SEM1: variants seen among roughly 807,000 people sequenced by gnomAD.
SEM1 encodes 26S proteasome complex subunit SEM1.
Under a neutral mutation model 12.7 loss-of-function variants are expected in SEM1, and 3 were observed. The observed-to-expected ratio is 0.24, with a 90% CI of 0.11 to 0.61. The LOEUF (loss-of-function observed/expected upper bound fraction) is 0.61. SEM1 is among the 20% of genes least tolerant of loss of function. The probability of loss-of-function intolerance (pLI) is 0.88; values close to 1 mark genes in which losing one functional copy is unlikely to be tolerated. For synonymous variants in SEM1, 30 were observed against 27.8 expected (o/e 1.08, Z -0.25); for missense variants, 59 against 81.3 (o/e 0.73, Z 1.06).
At chr7:96,600,719 G>C (rs149474835) in intron 2 of SEM1, among the ~76,000 whole-genome samples, 136 of 152,280 alleles carry the variant, frequency 8.9e-4, no homozygotes, top group African/African-American at 3.2e-3. Context: ...GCTCTGGCTA[G>C]TGATGCTCAG....
intron 2 of SEM1, among the ~76,000 whole-genome samples, chr7:96,666,960 CATG>C (rs1361225089): frequency 7.2e-5 from 11 of 152,126 alleles, no homozygotes; most frequent in African/African-American, 2.2e-4. Context: ...CATGGCAATC[CATG>C]ATATTACTTC....
At chr7:96,486,375 C>T in exon 2 of SEM1, 1 of 1,537,022 alleles carries the variant, frequency 6.5e-7, no homozygotes, top group Non-Finnish European at 8.7e-7. Context: ...TTTCTTCCCA[C>T]TTTTCCTCCT....
At chr7:96,577,135 C>T (rs924517758) in intron 2 of SEM1, among the ~76,000 whole-genome samples, 1 of 151,182 alleles carries the variant, frequency 6.6e-6, no homozygotes, top group African/African-American at 2.4e-5. Flanking sequence ...AAAATGGATA[C>T]AATATTTGAT....
At chr7:96,617,242 C>A (rs545144983) in intron 2 of SEM1, among the ~76,000 whole-genome samples, 158 of 151,934 alleles carry the variant, frequency 1.0e-3, no homozygotes, top group African/African-American at 3.7e-3. Context: ...TTTTATAATT[C>A]TTCTTATAGA....
chr7:96,559,972 A>G (rs1410154710), intron 2 of SEM1, among the ~76,000 whole-genome samples: 1 of 152,156 alleles, frequency 6.6e-6, no homozygotes, highest in Non-Finnish European at 1.5e-5. Context: ...GTCACCAGAC[A>G]CTCAATAGAA....
At chr7:96,690,893 C>A (rs1789912099) in intron 2 of SEM1, among the ~76,000 whole-genome samples, 1 of 152,118 alleles carries the variant, frequency 6.6e-6, no homozygotes. Context: ...GCCTCAGCCT[C>A]CCTAGTAGCT....
chr7:96,572,259 G>A (rs1806059166), intron 2 of SEM1, among the ~76,000 whole-genome samples: 1 of 151,942 alleles, frequency 6.6e-6, no homozygotes, highest in African/African-American at 2.4e-5. Flanking sequence ...TTTTTTGAAG[G>A]GCTTTTCATG....
rs1000866864 is a variant in SEM1, at chr7:96,709,541, G to A, written c.76+147C>T. The A allele has an allele frequency of 2.4e-5, 18 of 735,988 alleles. No individual in the cohort carries two copies. The African/African-American group carries it at 2.8e-4, about 12-fold the overall frequency. 45.6% of individuals were successfully genotyped at this position (735,988 alleles called of 1,614,324 possible). A position where few individuals can be genotyped will look rare whatever the true frequency, so the allele number is the denominator to read the frequency against. On this transcript the variant is annotated intron_variant, in intron 1 of 2. Coordinates refer to ENST00000248566, the MANE Select transcript of SEM1 (RefSeq NM_006304.2). ...AAACCCGAATCTGGGGCGCCACTGA[G>A]GGGTGAGCGTTAGCGCCTCGAGTGC...
At chr7:96,633,991 G>A (rs567661834) in intron 2 of SEM1, among the ~76,000 whole-genome samples, 21 of 152,162 alleles carry the variant, frequency 1.4e-4, no homozygotes, top group African/African-American at 4.8e-4. Flanking sequence ...ATATCAGGAG[G>A]TGCAAACTCA....
intron 2 of SEM1, among the ~76,000 whole-genome samples, chr7:96,557,360 T>C (rs1397459660): frequency 7.2e-6 from 1 of 139,174 alleles, no homozygotes; most frequent in Non-Finnish European, 1.6e-5. Flanking sequence ...GATGTACAGA[T>C]GGGTTTTTGG....
chr7:96,484,462 T>G (rs1480123924), intron 3 of SEM1, among the ~76,000 whole-genome samples: 1 of 152,100 alleles, frequency 6.6e-6, no homozygotes, highest in Non-Finnish European at 1.5e-5. Context: ...TAAGGTAAAA[T>G]GCTAAGTGTG....
chr7:96,515,102 C>A (rs1193437542), intron 2 of SEM1, among the ~76,000 whole-genome samples: 1 of 152,122 alleles, frequency 6.6e-6, no homozygotes, highest in Non-Finnish European at 1.5e-5. Flanking sequence ...ATATAATCAA[C>A]TGATATTTGA....
At chr7:96,498,499 T>G (rs1693654138), upstream of SEM1, among the ~76,000 whole-genome samples, 1 of 152,166 alleles carries the variant, frequency 6.6e-6, no homozygotes, top group African/African-American at 2.4e-5. Context: ...CTTATTTCTA[T>G]TCTGCTGTTT....
intron 2 of SEM1, among the ~76,000 whole-genome samples, chr7:96,543,771 G>A (rs1177499173): frequency 6.6e-6 from 1 of 151,924 alleles, no homozygotes; most frequent in African/African-American, 2.4e-5. Context: ...ACTTGTGATT[G>A]GAAACAGAAT....
Position 96,708,657 on chromosome 7 carries a change from A to T in SEM1, c.76+1031T>A, listed in dbSNP as rs544084203. Among the ~76,000 whole-genome samples the T allele has an allele frequency of 1.2e-4, 18 of 152,364 alleles. No homozygotes were observed. The South Asian group carries it at 3.5e-3, about 30-fold the overall frequency. ...CAACAGCAATCTCACAAACAGAAGC[A>T]GTACAGCTGAAGTTAAGAGCTTTGG... On this transcript the variant is annotated intron_variant, in intron 1 of 2. Transcript: ENST00000248566.
intron 2 of SEM1, among the ~76,000 whole-genome samples, chr7:96,586,220 C>G (rs772960162): frequency 6.6e-6 from 1 of 152,146 alleles, no homozygotes; most frequent in Admixed American, 6.5e-5. Flanking sequence ...GCTTTCTGGT[C>G]TCCATTACAA....
At chr7:96,609,283 A>G (rs1045302742) in intron 2 of SEM1, among the ~76,000 whole-genome samples, 1 of 152,190 alleles carries the variant, frequency 6.6e-6, no homozygotes, top group African/African-American at 2.4e-5. Flanking sequence ...CATAGATGGT[A>G]GTGGTGTTCT....
chr7:96,529,663 A>G (rs1238906410), intron 2 of SEM1, among the ~76,000 whole-genome samples: 1 of 152,162 alleles, frequency 6.6e-6, no homozygotes, highest in Non-Finnish European at 1.5e-5. Context: ...ACTTAGAATT[A>G]TTTGGAGTAC....
intron 2 of SEM1, among the ~76,000 whole-genome samples, chr7:96,592,999 T>TTAAAAAAA (rs60512379): frequency 7.8e-6 from 1 of 128,084 alleles, no homozygotes. Flanking sequence ...TCTCCCATAT[T>TTAAAAAAA]AAAAAAAAAA....
Sources: gnomAD v4.1 joint callset for allele counts (sites outside exome capture counted in the v4.1 genomes callset) on GRCh38, gnomAD v4.1.1 for gene constraint, MANE v1.5 for transcripts, NCBI Gene and HGNC (gene_info 2026-07-23, HGNC 2026-07-21) for gene names.